PLG: variants seen among roughly 807,000 people sequenced by gnomAD.
PLG encodes the protein plasmin.
In PLG, 41 loss-of-function variants were observed where a neutral mutation model predicts 104.4. That is an observed-to-expected ratio of 0.39 (90% CI 0.31 to 0.51). PLG has a LOEUF of 0.51. Among genes scored for constraint, PLG ranks in the 20% least tolerant of loss-of-function variants. The probability of loss-of-function intolerance (pLI) is 0.76; values close to 1 mark genes in which losing one functional copy is unlikely to be tolerated. For synonymous variants in PLG, 337 were observed against 357.1 expected, an observed-to-expected ratio of 0.94 and a Z score of 0.63; for missense variants, 891 against 1,003.6, an observed-to-expected ratio of 0.89 and a Z score of 1.52.
intron 2 of PLG, among the ~76,000 whole-genome samples, chr6:160,707,387 A>T (rs1777548558): frequency 6.6e-6 from 1 of 152,174 alleles, no homozygotes; most frequent in East Asian, 1.9e-4. Flanking sequence ...CAAAGCAACC[A>T]GAGTTGCTTC....
intron 9 of PLG, among the ~76,000 whole-genome samples, chr6:160,721,298 C>CTAGACATTATAAA (rs1777823591): frequency 6.6e-6 from 1 of 152,134 alleles, no homozygotes; most frequent in South Asian, 2.1e-4. Flanking sequence ...TAATCAAACA[C>CTAGACATTATAAA]TAGACATTAT....
rs1778188265 is a variant in PLG, at chr6:160,741,216, G to A, written c.2019-95G>A. 2.3e-6 allele frequency: 2 copies of A among 854,486 alleles called. No homozygotes were observed. Among genetic ancestry groups the A allele is most frequent in the Non-Finnish European group, 4.1e-6 (2 of 493,122 alleles). 52.9% of individuals were successfully genotyped at this position (854,486 alleles called of 1,614,324 possible). A position where few individuals can be genotyped will look rare whatever the true frequency, so the allele number is the denominator to read the frequency against. On this transcript the variant is annotated intron_variant, in intron 16 of 18. Coordinates refer to ENST00000308192, the MANE Select transcript of PLG (RefSeq NM_000301.5). This position sits in a 1 kb window ranked among gnomAD's most constrained non-coding sequence, Gnocchi z 4.7. Reference sequence around the variant, plus strand: ...AGTGAAGCAAGGCAGTGCCAGTTCAGAGGGCTCTGGGGCCTCAAGACAGGG... The same window carrying A: ...AGTGAAGCAAGGCAGTGCCAGTTCAAAGGGCTCTGGGGCCTCAAGACAGGG...
chr6:160,749,482 TCAC>T (rs66538071), intron 17 of PLG, among the ~76,000 whole-genome samples: 82,835 of 147,584 alleles, frequency 0.56, 23,674 homozygotes, highest in East Asian at 0.98. Context: ...ATCACTATCA[TCAC>T]CACCACCACC....
chr6:160,718,267 C>T (rs1562374730), intron 7 of PLG, 27 bp from the exon 8 acceptor site: 6 of 1,594,726 alleles, frequency 3.8e-6, no homozygotes, highest in Non-Finnish European at 5.2e-6. Flanking sequence ...TATATATATT[C>T]ATTGTAACTT....
chr6:160,752,892 C>G lies in PLG; in HGVS notation c.2272-8C>G. On this transcript the variant is annotated splice_region_variant and splice_polypyrimidine_tract_variant and intron_variant, in intron 18 of 18. Transcript: ENST00000308192. This position sits in a 1 kb window ranked among gnomAD's most constrained non-coding sequence, Gnocchi z 4.7. The stretch of plus-strand genomic sequence containing the variant: ...CCCTCACATGCATTTTTCTCTCCCT[C>G]TGTATAGGGTGACAGTGGAGGTCCT... 1 of 1,613,712 alleles carries G rather than the reference C, an allele frequency of 6.2e-7. No individual in the cohort carries two copies. The highest frequency in any genetic ancestry group is 1.1e-5 in the South Asian group (1 of 91,070).
chr6:160,716,533 C>T (rs1777734545), intron 6 of PLG, 112 bp from the exon 7 acceptor site: 2 of 760,772 alleles, frequency 2.6e-6, no homozygotes. Flanking sequence ...TTACCTCCTC[C>T]ATGCCCGACT....
rs1778120396 is a variant in PLG, at chr6:160,738,189, CG to C, written c.1803-344del. On this transcript the variant is annotated intron_variant, in intron 14 of 18. Coordinates refer to ENST00000308192, the MANE Select transcript of PLG (RefSeq NM_000301.5). The surrounding 1 kb of genome is among the most constrained non-coding windows in gnomAD (Gnocchi z 6.8). ...CTTGTCATAAAAATGAAAGAGGCCT[CG>C]GGGGAAGGTCTTGGGCTGGTGGCTT... 6.6e-6 allele frequency among the ~76,000 whole-genome samples: 1 copy of C among 152,156 alleles called. No individual in the cohort carries two copies. Among genetic ancestry groups the C allele is most frequent in the African/African-American group, 2.4e-5 (1 of 41,426 alleles).
In PLG at chr6:160,724,149, A is replaced by G. The variant is rs1777887181; in HGVS notation, c.1256+1582A>G. On this transcript the variant is annotated intron_variant, in intron 10 of 18. Coordinates refer to ENST00000308192, the MANE Select transcript of PLG (RefSeq NM_000301.5). This position sits in a 1 kb window ranked among gnomAD's most constrained non-coding sequence, Gnocchi z 5.0. ...CCAGGAGAAAAAGCACTCAAAACAA[A>G]TAAACCCCAAAATGAAGAAATTGGC... Among the ~76,000 whole-genome samples, 1 of 152,234 alleles carries G rather than the reference A, an allele frequency of 6.6e-6. No individual in the cohort carries two copies. Among genetic ancestry groups the G allele is most frequent in the African/African-American group, 2.4e-5 (1 of 41,470 alleles).
rs4252147 is a variant in PLG, at chr6:160,737,967, T to A, written c.1803-571T>A. ...GCACTTCCTATCTCTATTCCTCTTC[T>A]TTAAATTTGGTTCCAAATGGCTCAC... is the stretch of plus-strand genomic sequence containing the variant. On this transcript the variant is annotated intron_variant, in intron 14 of 18. Transcript: ENST00000308192. This position sits in a 1 kb window ranked among gnomAD's most constrained non-coding sequence, Gnocchi z 4.7. Among the ~76,000 whole-genome samples, 18,028 of 97,550 alleles carry A rather than the reference T, an allele frequency of 0.18. 2,921 individuals are homozygous for A. The highest frequency in any genetic ancestry group is 0.45 in the African/African-American group (15,237 of 33,610). The allele number at this position is 97,550 out of a possible 152,430, so 64.0% of individuals were successfully genotyped here. A position where few individuals can be genotyped will look rare whatever the true frequency, so the allele number is the denominator to read the frequency against.
At chr6:160,709,906 C>A (rs1460744261) in intron 3 of PLG, among the ~76,000 whole-genome samples, 2 of 152,120 alleles carry the variant, frequency 1.3e-5, no homozygotes, top group Non-Finnish European at 2.9e-5. Context: ...TGTAAATATA[C>A]CTTAAACATT....
intron 3 of PLG, 23 bp downstream of exon 3, chr6:160,707,829 C>G (rs1050685280): frequency 6.6e-7 from 1 of 1,515,432 alleles, no homozygotes; most frequent in African/African-American, 1.4e-5. Flanking sequence ...TCTTCCTCCT[C>G]CTCCTACTGT....
At chr6:160,706,604 C>T (rs1333469308) in intron 2 of PLG, 62 bp downstream of exon 2, 4 of 1,489,386 alleles carry the variant, frequency 2.7e-6, no homozygotes, top group Non-Finnish European at 3.7e-6. Context: ...GTAATTTACT[C>T]ACAAATTTAT....
At chr6:160,713,874 A>T (rs1388345543) in intron 5 of PLG, among the ~76,000 whole-genome samples, 1 of 152,214 alleles carries the variant, frequency 6.6e-6, no homozygotes, top group Non-Finnish European at 1.5e-5. Flanking sequence ...ATGCTAAAAA[A>T]TTTTAAAAAA....
rs377537611 is a variant in PLG, at chr6:160,714,904, A to G, written c.658A>G (p.Ile220Val). Residue 220 changes from isoleucine (I) to valine (V), a missense_variant, in exon 6 of 19, where the codon ATT becomes GTT. Ile to Val is a conservative substitution (Grantham distance 29). Around this residue, in one of 2 missense-constraint regions of PLG, gnomAD observed 854 missense variants for 932.1 expected, o/e 0.92. Coordinates refer to ENST00000308192, the MANE Select transcript of PLG (RefSeq NM_000301.5). ...DSQSPHAHGYIPSKFPNKNLK... is the reference protein window; with the variant it reads ...DSQSPHAHGYVPSKFPNKNLK... ...TCAGAGCCCACACGCTCATGGATAC[A>G]TTCCTTCCAAGTAAGTCTCACTGGG... 1 of 1,613,730 alleles carries G rather than the reference A, an allele frequency of 6.2e-7. No homozygotes were observed. The highest frequency in any genetic ancestry group is 1.3e-5 in the African/African-American group (1 of 74,904).
At chr6:160,705,321 T>A (rs1457733241) in intron 1 of PLG, 1 of 150,166 alleles carries the variant, frequency 6.7e-6, no homozygotes, top group Non-Finnish European at 1.5e-5. Context: ...GGAGCACAGC[T>A]GAGGCCCCCT....
chr6:160,742,246 A>G (rs1778208755), intron 17 of PLG, among the ~76,000 whole-genome samples: 1 of 152,192 alleles, frequency 6.6e-6, no homozygotes, highest in African/African-American at 2.4e-5. Flanking sequence ...ACTGCTTTCT[A>G]CAGTGGATGA....
intron 17 of PLG, among the ~76,000 whole-genome samples, chr6:160,747,120 T>C (rs1431621947): frequency 6.6e-6 from 1 of 152,232 alleles, no homozygotes; most frequent in African/African-American, 2.4e-5. Context: ...ATAATTAGAC[T>C]AGTCTTCTTC....
chr6:160,713,339 C>T (rs569464799), intron 5 of PLG: 23 of 511,826 alleles, frequency 4.5e-5, no homozygotes, highest in Middle Eastern at 5.7e-4. Context: ...CGTGCAATCT[C>T]GGCTCACCAC....
chr6:160,722,321 G>A, intron 9 of PLG, 87 bp from the exon 10 acceptor site: 2 of 856,078 alleles, frequency 2.3e-6, no homozygotes, highest in Non-Finnish European at 4.0e-6. Flanking sequence ...ATTCTCAGAG[G>A]CTACCGTACT....
Sources: gnomAD v4.1 joint callset for allele counts (sites outside exome capture counted in the v4.1 genomes callset) on GRCh38, gnomAD v4.1.1 for gene constraint, gnomAD v4.1.1 regional missense constraint, Gnocchi (gnomAD v3.1) non-coding constraint, MANE v1.5 for transcripts, NCBI Gene and HGNC (gene_info 2026-07-23, HGNC 2026-07-21) for gene names.